DOCK8: variants seen among roughly 807,000 people sequenced by gnomAD.
The protein encoded by DOCK8 is dedicator of cytokinesis 8.
DOCK8 carries 141 observed loss-of-function variants against 245.6 expected under a neutral mutation model. The ratio of observed to expected loss-of-function variants is 0.57; its 90% confidence interval spans 0.50 to 0.66. DOCK8 has a LOEUF of 0.66. Ranked by LOEUF, DOCK8 falls within the 30% of genes least tolerant of loss-of-function variation. DOCK8 has a pLI of 0.00. For missense variants in DOCK8, 2,965 were observed against 2,603.4 expected (o/e 1.14, Z -3.02); for synonymous variants, 1,168 against 970.2 (o/e 1.20, Z -3.79).
At chr9:425,970 A>G (rs894268517) in intron 33 of DOCK8, among the ~76,000 whole-genome samples, 57 of 152,082 alleles carry the variant, frequency 3.7e-4, no homozygotes, top group African/African-American at 1.4e-3. Flanking sequence ...GGGACGCAAG[A>G]ACAGGTAAGT....
intron 2 of DOCK8, among the ~76,000 whole-genome samples, chr9:282,603 T>C (rs1031000536): frequency 7.3e-5 from 11 of 149,992 alleles, no homozygotes; most frequent in African/African-American, 2.7e-4. Flanking sequence ...AAAAAAAAAA[T>C]TGTAAAGACA....
Position 325,651 on chromosome 9 carries a change from T to G in DOCK8, c.828-20T>G, listed in dbSNP as rs1193553986. ...TATCTAACTCAAAGCCACATAGATT[T>G]TCCTCTCTTTCTATGGTAGGTTCGA... On this transcript the variant is annotated intron_variant, in intron 7 of 47. Coordinates refer to ENST00000432829, the MANE Select transcript of DOCK8 (RefSeq NM_203447.4). The G allele has an allele frequency of 8.1e-6, 13 of 1,609,728 alleles. No individual in the cohort carries two copies. The highest frequency in any genetic ancestry group is 1.1e-5 in the Non-Finnish European group (13 of 1,175,942).
intron 14 of DOCK8, among the ~76,000 whole-genome samples, chr9:343,169 C>T (rs563179268): frequency 6.6e-5 from 10 of 152,150 alleles, no homozygotes; most frequent in East Asian, 1.9e-4. Flanking sequence ...AATTAAGACC[C>T]GGAAAGGATA....
At chr9:400,877 ACCT>A (rs1564016049) in intron 26 of DOCK8, among the ~76,000 whole-genome samples, 2 of 50,630 alleles carry the variant, frequency 4.0e-5, no homozygotes, top group Admixed American at 2.2e-4. Flanking sequence ...CATCACCACC[ACCT>A]CCACCACCAC....
In DOCK8 at chr9:452,059, C is replaced by A; in HGVS notation, c.6010C>A (p.Pro2004Thr). ...QVFLAEIPAD[P>T]KLYRHHNKLR... Reference sequence around the variant, plus strand: ...GTTTTTGGCTGAAATTCCTGCTGATCCAAAACTCTATCGACATCACAACAA... The same window carrying A: ...GTTTTTGGCTGAAATTCCTGCTGATACAAAACTCTATCGACATCACAACAA... Residue 2004 changes from proline to threonine, a missense_variant, in exon 46 of 48, where the codon CCA becomes ACA. By Grantham distance (38) the Pro-to-Thr change is conservative (BLOSUM62 -1). Coordinates refer to ENST00000432829, the MANE Select transcript of DOCK8 (RefSeq NM_203447.4). 2 of 1,599,236 alleles carry A rather than the reference C, an allele frequency of 1.3e-6. No individual in the cohort carries two copies. The highest frequency in any genetic ancestry group is 1.7e-6 in the Non-Finnish European group (2 of 1,173,526).
rs1336866310 is a variant in DOCK8, at chr9:434,873, G to A, written c.4977G>A (p.Thr1659=). The A allele has an allele frequency of 2.0e-5, 32 of 1,613,900 alleles. No homozygotes were observed. The highest frequency in any genetic ancestry group is 1.7e-4 in the Middle Eastern group (1 of 6,014). ...AEKHTKKKCY[T]EAAMCLVHAA... ...AACACACCAAGAAGAAGTGCTACAC[G>A]GAGGCTGCCATGTGCCTGGTGCACG... The change falls in exon 39 of 48, where the codon ACG becomes ACA. Residue 1659 remains threonine, a synonymous_variant. Transcript: ENST00000432829.
intron 7 of DOCK8, among the ~76,000 whole-genome samples, chr9:324,264 T>C (rs977801696): frequency 6.6e-6 from 1 of 152,240 alleles, no homozygotes; most frequent in African/African-American, 2.4e-5. Flanking sequence ...CCAAATATTC[T>C]TCTAAAAAGT....
At chr9:459,525 T>C (rs1438381068) in intron 46 of DOCK8, among the ~76,000 whole-genome samples, 1 of 152,200 alleles carries the variant, frequency 6.6e-6, no homozygotes, top group Admixed American at 6.5e-5. Flanking sequence ...TGGTACATAA[T>C]AATTTTTGCT....
chr9:345,175 T>G (rs182551158), intron 14 of DOCK8, among the ~76,000 whole-genome samples: 1 of 152,324 alleles, frequency 6.6e-6, no homozygotes, highest in Admixed American at 6.5e-5. Flanking sequence ...GCTATTTCCA[T>G]GCCAATCAAT....
At chr9:327,183 T>C (rs559054798) in intron 8 of DOCK8, among the ~76,000 whole-genome samples, 15 of 152,254 alleles carry the variant, frequency 9.9e-5, no homozygotes, top group African/African-American at 3.6e-4. Context: ...CTCTAATCTC[T>C]CCCTGGCACA....
intron 5 of DOCK8, among the ~76,000 whole-genome samples, chr9:306,357 T>C (rs1351476668): frequency 6.6e-6 from 1 of 152,212 alleles, no homozygotes; most frequent in Non-Finnish European, 1.5e-5. Flanking sequence ...GATGCTCTGC[T>C]CTATGGGAGA....
At chr9:396,419 G>A (rs1402026982) in intron 24 of DOCK8, among the ~76,000 whole-genome samples, 1 of 152,172 alleles carries the variant, frequency 6.6e-6, no homozygotes, top group Non-Finnish European at 1.5e-5. Flanking sequence ...TCTGAGTCAT[G>A]TGTTCTGTCC....
rs186965652 is a variant in DOCK8, at chr9:402,784, C to G, written c.3235-2134C>G. On this transcript the variant is annotated intron_variant, in intron 26 of 47. Transcript: ENST00000432829. Reference sequence around the variant, plus strand: ...CTTACAATGTGCCACTAAGCAAACACCCATCCCTTGGGTAGGGGCATTGTG... The same window carrying G: ...CTTACAATGTGCCACTAAGCAAACAGCCATCCCTTGGGTAGGGGCATTGTG... Among the ~76,000 whole-genome samples, 207 of 152,318 alleles carry G rather than the reference C, an allele frequency of 1.4e-3. 1 individual carries two copies. Among genetic ancestry groups the G allele is most frequent in the African/African-American group, 4.9e-3 (204 of 41,568 alleles).
At chr9:246,339 C>T (rs996515307) in intron 1 of DOCK8, among the ~76,000 whole-genome samples, 5 of 152,004 alleles carry the variant, frequency 3.3e-5, no homozygotes, top group African/African-American at 1.2e-4. Flanking sequence ...GGCAACATAG[C>T]GTGACCCCAT....
intron 46 of DOCK8, chr9:456,807 T>A (rs1030257194): frequency 2.0e-5 from 3 of 152,210 alleles, no homozygotes; most frequent in African/African-American, 7.2e-5. Flanking sequence ...CCCGACCATT[T>A]AGATTTTTAA....
chr9:346,388 A>G (rs1012055394), intron 14 of DOCK8, among the ~76,000 whole-genome samples: 11 of 152,306 alleles, frequency 7.2e-5, no homozygotes, highest in African/African-American at 2.6e-4. Flanking sequence ...AAGGTCTTCA[A>G]GGGCATCCTA....
chr9:296,680 G>C (rs900084759), intron 4 of DOCK8, among the ~76,000 whole-genome samples: 1 of 152,148 alleles, frequency 6.6e-6, no homozygotes, highest in Non-Finnish European at 1.5e-5. Context: ...ATCAATAATT[G>C]CTTATTATGA....
chr9:249,229 C>G (rs929938186), intron 1 of DOCK8, among the ~76,000 whole-genome samples: 4 of 152,192 alleles, frequency 2.6e-5, no homozygotes, highest in Non-Finnish European at 4.4e-5. Context: ...ACTTCCTTCA[C>G]CAGAACATTC....
At chr9:283,702 C>A (rs61394380) in intron 2 of DOCK8, among the ~76,000 whole-genome samples, 1 of 152,046 alleles carries the variant, frequency 6.6e-6, no homozygotes, top group African/African-American at 2.4e-5. Flanking sequence ...GTTCCATCCA[C>A]GTTGCTGCAA....
Sources: gnomAD v4.1 joint callset for allele counts (sites outside exome capture counted in the v4.1 genomes callset) on GRCh38, gnomAD v4.1.1 for gene constraint, MANE v1.5 for transcripts, NCBI Gene and HGNC (gene_info 2026-07-23, HGNC 2026-07-21) for gene names.